Variants in ZNF180 observed in about 807,000 individuals in gnomAD.
The protein encoded by ZNF180 is zinc finger protein 180 (HHZ168).
Under a neutral mutation model 11.8 loss-of-function variants are expected in ZNF180, and 11 were observed. The ratio of observed to expected loss-of-function variants is 0.93; its 90% CI spans 0.59 to 1.55. The LOEUF is 1.55. Ranked by LOEUF, ZNF180 falls within the 40% of genes most tolerant of loss-of-function variation. The pLI is 0.00. For synonymous variants in ZNF180, 287 were observed against 257.7 expected, an observed-to-expected ratio of 1.11 and a Z score of -1.09; for missense variants, 773 against 781.7, an observed-to-expected ratio of 0.99 and a Z score of 0.13.
Position 44,477,680 on chromosome 19 carries a change from T to C in ZNF180, c.720A>G (p.Gln240=). ...SIHLIQFTRT[Q]TKDKSYGFSD... is the part of the protein sequence containing the mutation. ...TAAATCCATAGGATTTATCTTTTGT[T>C]TGAGTTCTTGTAAACTGAATAAGGT... Residue 240 remains glutamine (Q), a synonymous_variant, in exon 5 of 5, where the codon CAA becomes CAG. Coordinates refer to ENST00000592529, the MANE Select transcript of ZNF180 (RefSeq NM_001278509.3). The C allele has an allele frequency of 6.2e-7, 1 of 1,614,002 alleles. No individual in the cohort carries two copies. Among genetic ancestry groups the C allele is most frequent in the Non-Finnish European group, 8.5e-7 (1 of 1,179,924 alleles).
rs117709784 is a variant in ZNF180 at position 44,484,400 on chromosome 19, G to A, written c.87C>T (p.Val29=). 2.5e-3 allele frequency: 4,073 copies of A among 1,613,918 alleles called. 6 individuals carry two copies. The highest frequency in any genetic ancestry group is 3.2e-3 in the Non-Finnish European group (3,729 of 1,179,878). Residue 29 remains valine, a synonymous_variant, in exon 3 of 5, where the codon GTC becomes GTT. Coordinates refer to ENST00000592529, the MANE Select transcript of ZNF180 (RefSeq NM_001278509.3). Reference sequence around the variant, plus strand: ...TCAGAGACCCAGTGTCTTCTCCCTCGACTTTGATGATAATCTCTTGAGGAA... The same window carrying A: ...TCAGAGACCCAGTGTCTTCTCCCTCAACTTTGATGATAATCTCTTGAGGAA... ...SFLPQEIIIK[V]EGEDTGSLTI...
intron 2 of ZNF180, among the ~76,000 whole-genome samples, chr19:44,492,603 C>T (rs1037830758): frequency 3.3e-5 from 5 of 152,102 alleles, no homozygotes; most frequent in African/African-American, 9.7e-5. Context: ...GTGACCTGTC[C>T]GCTTCATAGT....
chr19:44,480,059 T>C (rs1167325922), intron 3 of ZNF180, among the ~76,000 whole-genome samples: 1 of 152,240 alleles, frequency 6.6e-6, no homozygotes, highest in Non-Finnish European at 1.5e-5. Flanking sequence ...CTTTCTCACC[T>C]ATAAAGGGCA....
At chr19:44,482,181 C>T (rs964922148) in intron 3 of ZNF180, among the ~76,000 whole-genome samples, 4 of 152,096 alleles carry the variant, frequency 2.6e-5, no homozygotes, top group Non-Finnish European at 5.9e-5. Context: ...CTGGTGCATG[C>T]CTATAGTCCC....
Position 44,477,242 on chromosome 19 carries a change from T to C in ZNF180, c.1158A>G (p.Gln386=), listed in dbSNP as rs144530001. Residue 386 remains glutamine, a synonymous_variant, in exon 5 of 5, where the codon CAA becomes CAG. Transcript: ENST00000592529. ...HTGEKPYRCN[Q]CGKSFSQSYV... ...AACTCTGGCTAAAGGATTTCCCACA[T>C]TGATTACACCTGTAAGGTTTCTCTC... is the stretch of plus-strand genomic sequence containing the variant. The C allele has an allele frequency of 1.0e-4, 169 of 1,614,010 alleles. No individual in the cohort carries two copies. The East Asian group carries it at 3.1e-3, about 29-fold the overall frequency.
chr19:44,478,972 G>C (rs1970005773), intron 4 of ZNF180, among the ~76,000 whole-genome samples: 1 of 152,130 alleles, frequency 6.6e-6, no homozygotes, highest in Admixed American at 6.5e-5. Flanking sequence ...GATTGTATCT[G>C]CTTCAAAAAG....
At chr19:44,497,975 A>G (rs1970634081) in intron 1 of ZNF180, among the ~76,000 whole-genome samples, 1 of 152,076 alleles carries the variant, frequency 6.6e-6, no homozygotes, top group African/African-American at 2.4e-5. Context: ...ATCCTGCTCA[A>G]ATAGCCAAGC....
chr19:44,497,539 C>A (rs1970622934), intron 1 of ZNF180, among the ~76,000 whole-genome samples, 162 bp from the exon 2 acceptor site: 1 of 152,134 alleles, frequency 6.6e-6, no homozygotes, highest in Non-Finnish European at 1.5e-5. Context: ...TGTGTATGTA[C>A]TGAGAGTCCC....
At chr19:44,478,246 T>G in intron 4 of ZNF180, 100 bp from the exon 5 acceptor site, 1 of 1,284,894 alleles carries the variant, frequency 7.8e-7, no homozygotes, top group East Asian at 2.6e-5. Flanking sequence ...TATGAATTTG[T>G]TTTCAAATAC....
chr19:44,479,808 TCA>T (rs1263971012), intron 3 of ZNF180, among the ~76,000 whole-genome samples: 1 of 152,212 alleles, frequency 6.6e-6, no homozygotes, highest in African/African-American at 2.4e-5. Context: ...AGTAAATATT[TCA>T]CACTTTGCCA....
Position 44,479,266 on chromosome 19 carries a change from G to A in ZNF180, c.253+17C>T, listed in dbSNP as rs748763478. 1.2e-6 allele frequency: 2 copies of A among 1,606,036 alleles called. No homozygotes were observed. Among genetic ancestry groups the A allele is most frequent in the East Asian group, 2.2e-5 (1 of 44,700 alleles). On this transcript the variant is annotated intron_variant, in intron 4 of 4. Transcript: ENST00000592529. ...TTTCAGTAGATGGATCTTCATTAAA[G>A]AGGAGTGTATTCTTACCCCAAGAGA...
Position 44,476,558 on chromosome 19 carries a change from T to G in ZNF180, c.1842A>C (p.Thr614=), listed in dbSNP as rs1969881237. The G allele has an allele frequency of 1.2e-6, 2 of 1,613,892 alleles. No homozygotes were observed. Among genetic ancestry groups the G allele is most frequent in the East Asian group, 4.5e-5 (2 of 44,882 alleles). ...KPFECNQCGK[T]FSLSARLIVH... ...CAATAAGTCGAGCACTCAAGCTAAA[T>G]GTTTTTCCACACTGATTACATTCAA... is the stretch of plus-strand genomic sequence containing the variant. The change falls in exon 5 of 5, where the codon ACA becomes ACC. Residue 614 remains threonine (T), a synonymous_variant. Transcript: ENST00000592529.
Position 44,476,409 on chromosome 19 carries a change from C to T in ZNF180, c.1991G>A (p.Cys664Tyr), listed in dbSNP as rs752753633. ...TCCCAGCTGATTTACAAACTAGTTA[C>T]ATTCATAGAGTTTCTCTTCAGTATG... The part of the protein sequence containing the change: ...ATHTEEKLYE[C>Y]N The change falls in exon 5 of 5, where the codon TGT (cysteine) becomes TAT (tyrosine). Residue 664 changes from cysteine to tyrosine, a missense_variant. By Grantham distance (194) the Cys-to-Tyr change is radical. Transcript: ENST00000592529. The T allele has an allele frequency of 6.4e-7, 1 of 1,566,836 alleles. No homozygotes were observed. The highest frequency in any genetic ancestry group is 8.6e-7 in the Non-Finnish European group (1 of 1,158,016).
rs143439659 is a variant in ZNF180, at chr19:44,477,087, T to C, written c.1313A>G (p.Tyr438Cys). 126 of 1,613,856 alleles carry C rather than the reference T, an allele frequency of 7.8e-5. No individual in the cohort carries two copies. The highest frequency in any genetic ancestry group is 3.3e-5 in the South Asian group (3 of 91,048). The part of the protein sequence containing the change: ...HQRTHTGEKP[Y>C]ECNQCGKSFI... ...TGATTTCCCACATTGATTACATTCA[T>C]AGGGCTTCTCTCCGGTATGTGTTCT... Residue 438 changes from tyrosine (Y) to cysteine (C), a missense_variant, in exon 5 of 5, where the codon TAT (tyrosine) becomes TGT (cysteine). Coordinates refer to ENST00000592529, the MANE Select transcript of ZNF180 (RefSeq NM_001278509.3).
chr19:44,487,919 G>C (rs1970273887), intron 2 of ZNF180, among the ~76,000 whole-genome samples: 1 of 152,106 alleles, frequency 6.6e-6, no homozygotes, highest in Non-Finnish European at 1.5e-5. Flanking sequence ...TAGAGATGGG[G>C]TTTCACCATG....
chr19:44,488,836 C>T (rs1195936170), intron 2 of ZNF180, among the ~76,000 whole-genome samples: 4 of 151,380 alleles, frequency 2.6e-5, no homozygotes, highest in African/African-American at 9.7e-5. Flanking sequence ...TCTGCCCGGC[C>T]GCAACCCCGT....
chr19:44,484,851 A>T (rs965924550), intron 2 of ZNF180: 1 of 174,342 alleles, frequency 5.7e-6, no homozygotes, highest in Non-Finnish European at 1.2e-5. Flanking sequence ...AAAAAGATCA[A>T]CAAATTAATT....
At chr19:44,486,584 A>T (rs1970234667) in intron 2 of ZNF180, among the ~76,000 whole-genome samples, 3 of 152,220 alleles carry the variant, frequency 2.0e-5, no homozygotes. Flanking sequence ...TCATTTCTTT[A>T]GAAGCCATTG....
chr19:44,500,343 G>T lies in ZNF180; in HGVS notation c.-112C>A. The T allele has an allele frequency of 6.7e-7, 1 of 1,493,370 alleles. No homozygotes were observed. The highest frequency in any genetic ancestry group is 9.3e-7 in the Non-Finnish European group (1 of 1,080,514). 92.5% of individuals were successfully genotyped at this position (1,493,370 alleles called of 1,614,324 possible). The stretch of plus-strand genomic sequence containing the variant: ...CCTCAGTGCCTAGCACGGCTCTGCG[G>T]CAGGACGAACTCGGGTTAGGCAACC... On this transcript the variant is annotated 5_prime_UTR_variant, in exon 1 of 5. Transcript: ENST00000592529.
Sources: allele counts gnomAD v4.1 joint callset (sites outside exome capture counted in the v4.1 genomes callset), GRCh38; gene constraint gnomAD v4.1.1; transcripts MANE v1.5; gene names NCBI Gene and HGNC (gene_info 2026-07-23, HGNC 2026-07-21).